Variants in RNF121 observed in about 807,000 individuals in gnomAD.
The protein encoded by RNF121 is ring finger protein 121.
In RNF121, 21 loss-of-function variants were observed where a neutral mutation model predicts 46.5. That is an observed-to-expected ratio of 0.45 (90% CI 0.32 to 0.65). The LOEUF (loss-of-function observed/expected upper bound fraction) is 0.65, where lower values mean the gene tolerates loss of function less well. RNF121 is among the 30% of genes least tolerant of loss of function. The pLI is 0.04. For missense variants in RNF121, 346 were observed against 416.0 expected (o/e 0.83, Z 1.46); for synonymous variants, 139 against 144.7 (o/e 0.96, Z 0.28).
At chr11:71,974,486 G>A (rs1954487231) in intron 3 of RNF121, among the ~76,000 whole-genome samples, 1 of 152,154 alleles carries the variant, frequency 6.6e-6, no homozygotes, top group African/African-American at 2.4e-5. Flanking sequence ...GGTAGTCAGG[G>A]TAGGTATTTA....
intron 1 of RNF121, among the ~76,000 whole-genome samples, chr11:71,945,252 G>C (rs1280213512): frequency 6.6e-6 from 1 of 152,166 alleles, no homozygotes; most frequent in East Asian, 1.9e-4. Flanking sequence ...GGCTCCCAAA[G>C]TGTTGAGATT....
intron 5 of RNF121, among the ~76,000 whole-genome samples, chr11:71,988,059 G>A (rs1209035631): frequency 6.6e-6 from 1 of 152,260 alleles, no homozygotes; most frequent in Non-Finnish European, 1.5e-5. Flanking sequence ...ACCTGTGGAT[G>A]TTAAGTCCTG....
At chr11:71,966,783 T>C (rs549478292) in intron 3 of RNF121, among the ~76,000 whole-genome samples, 2 of 152,154 alleles carry the variant, frequency 1.3e-5, no homozygotes, top group South Asian at 4.1e-4. Context: ...CCACCACAAT[T>C]GGCCTTGCGT....
At chr11:71,976,648 G>A (rs1954533637) in intron 3 of RNF121, among the ~76,000 whole-genome samples, 1 of 152,028 alleles carries the variant, frequency 6.6e-6, no homozygotes, top group Admixed American at 6.6e-5. Context: ...GTGAGCCACG[G>A]CACCTGGCCC....
At chr11:71,974,184 A>C (rs750970841) in intron 3 of RNF121, among the ~76,000 whole-genome samples, 16 of 151,924 alleles carry the variant, frequency 1.1e-4, no homozygotes, top group South Asian at 4.1e-4. Flanking sequence ...CTCGTGATCC[A>C]CCCTCCTCGG....
At chr11:71,956,051 A>T (rs1953983857) in intron 1 of RNF121, among the ~76,000 whole-genome samples, 1 of 152,220 alleles carries the variant, frequency 6.6e-6, no homozygotes, top group Admixed American at 6.5e-5. Context: ...TACATAAAGG[A>T]TGCCTGGTAA....
At chr11:71,935,557 C>T (rs758718037) in intron 1 of RNF121, among the ~76,000 whole-genome samples, 17 of 152,200 alleles carry the variant, frequency 1.1e-4, no homozygotes, top group Non-Finnish European at 2.1e-4. Context: ...ACTGTGTTCT[C>T]CTCGAAAGGA....
intron 7 of RNF121, 82 bp downstream of exon 7, chr11:71,994,934 C>T (rs570336327): frequency 1.9e-6 from 3 of 1,578,354 alleles, no homozygotes; most frequent in Non-Finnish European, 2.6e-6. Flanking sequence ...GTGGTCATGA[C>T]CCTAGGCATG....
At chr11:71,944,069 T>C (rs1047541704) in intron 1 of RNF121, among the ~76,000 whole-genome samples, 6 of 152,136 alleles carry the variant, frequency 3.9e-5, no homozygotes, top group African/African-American at 1.4e-4. Flanking sequence ...CGGTAACTCA[T>C]GTCTGTAATC....
chr11:71,960,812 T>G lies in RNF121; in HGVS notation c.164T>G (p.Val55Gly), dbSNP rs765745536. Reference sequence around the variant, plus strand: ...CATGAAGCTATGCATGCTGAAATGGTCCTCATCCTCATCGCAACCTTGGTG... The same window carrying G: ...CATGAAGCTATGCATGCTGAAATGGGCCTCATCCTCATCGCAACCTTGGTG... ...RGHEAMHAEM[V>G]LILIATLVVA... The change falls in exon 3 of 9, where the codon GTC (valine) becomes GGC (glycine). Residue 55 changes from valine to glycine, a missense_variant. Val to Gly is a moderately radical substitution (Grantham distance 109). This residue lies in a region of RNF121 where 286 missense variants were observed against 383.8 expected (regional missense o/e 0.75). Coordinates refer to ENST00000361756, the MANE Select transcript of RNF121 (RefSeq NM_018320.5). The G allele has an allele frequency of 6.4e-5, 103 of 1,614,028 alleles. 1 individual carries two copies. The highest frequency in any genetic ancestry group is 2.4e-5 in the Non-Finnish European group (28 of 1,180,040).
intron 6 of RNF121, among the ~76,000 whole-genome samples, chr11:71,993,581 T>C (rs2134221471): frequency 6.6e-6 from 1 of 152,338 alleles, no homozygotes; most frequent in East Asian, 1.9e-4. Context: ...ACACCGCATT[T>C]GGTTTATTCA....
At chr11:71,935,846 C>CTTTTTTTTTTTTTTTTTTTTTTTT (rs994241423) in intron 1 of RNF121, among the ~76,000 whole-genome samples, 2 of 114,726 alleles carry the variant, frequency 1.7e-5, no homozygotes, top group South Asian at 2.8e-4. Context: ...TATTCTTTTT[C>CTTTTTTTTTTTTTTTTTTTTTTTT]TTTTTTTTTT....
intron 3 of RNF121, 63 bp from the exon 4 acceptor site, chr11:71,982,698 G>A: frequency 2.7e-6 from 4 of 1,496,148 alleles, no homozygotes; most frequent in Non-Finnish European, 3.6e-6. Context: ...GCTGCATTTG[G>A]GACTGTGGAC....
chr11:71,950,177 G>A (rs925066906), intron 1 of RNF121, among the ~76,000 whole-genome samples: 6 of 152,182 alleles, frequency 3.9e-5, no homozygotes, highest in African/African-American at 7.2e-5. Flanking sequence ...TGAAGGATTG[G>A]GTTTCAGAGT....
At chr11:71,938,907 T>A (rs1401159203) in intron 1 of RNF121, 2 of 152,386 alleles carry the variant, frequency 1.3e-5, no homozygotes, top group African/African-American at 2.4e-5. Context: ...ACATCTAAAC[T>A]CTTTTTTTTT....
chr11:71,939,035 G>A (rs1366203058), intron 1 of RNF121: 1 of 153,220 alleles, frequency 6.5e-6, no homozygotes, highest in Non-Finnish European at 1.5e-5. Context: ...CTCCCCAGTA[G>A]CTGGGATTAC....
At chr11:71,977,903 G>T (rs760102686) in intron 3 of RNF121, among the ~76,000 whole-genome samples, 41 of 152,282 alleles carry the variant, frequency 2.7e-4, no homozygotes, top group Non-Finnish European at 5.4e-4. Flanking sequence ...GCAAATTAGT[G>T]AACCAAATGT....
intron 3 of RNF121, among the ~76,000 whole-genome samples, chr11:71,981,570 G>A (rs1954660015): frequency 6.6e-6 from 1 of 152,122 alleles, no homozygotes; most frequent in Non-Finnish European, 1.5e-5. Context: ...GTTGAGGAGG[G>A]AGTTAGGAGG....
intron 5 of RNF121, among the ~76,000 whole-genome samples, chr11:71,987,830 G>A (rs537729320): frequency 3.3e-4 from 51 of 152,324 alleles, no homozygotes; most frequent in African/African-American, 1.2e-3. Flanking sequence ...GTGTCTGCAA[G>A]TCTTCACAGT....
Sources: allele counts gnomAD v4.1 joint callset (sites outside exome capture counted in the v4.1 genomes callset), GRCh38; gene constraint gnomAD v4.1.1; regional missense constraint gnomAD v4.1.1; transcripts MANE v1.5; gene names NCBI Gene and HGNC (gene_info 2026-07-23, HGNC 2026-07-21).